The following CCN6 variants were observed in gnomAD, a reference collection of about 807,000 sequenced individuals.
CCN6 encodes cellular communication network factor 6, also known as CCN family member 6.
In CCN6, 31 loss-of-function variants were observed where a neutral mutation model predicts 37.4. The ratio of observed to expected loss-of-function variants is 0.83; its 90% confidence interval spans 0.62 to 1.12. The LOEUF (loss-of-function observed/expected upper bound fraction) is 1.12. CCN6 is among the 50% of genes most tolerant of loss of function. CCN6 has a pLI of 0.00. For synonymous variants in CCN6, 137 were observed against 142.1 expected (o/e 0.96, Z 0.26); for missense variants, 369 against 413.8 (o/e 0.89, Z 0.94).
chr6:112,065,641 C>CAA (rs1776674512), intron 3 of CCN6, among the ~76,000 whole-genome samples: 7 of 151,632 alleles, frequency 4.6e-5, no homozygotes, highest in Non-Finnish European at 1.0e-4. Flanking sequence ...CACACACACA[C>CAA]ACAAACACAC....
At chr6:112,064,700 C>G (rs1361576507) in intron 2 of CCN6, 55 bp from the exon 3 acceptor site, 3 of 1,612,502 alleles carry the variant, frequency 1.9e-6, no homozygotes, top group Non-Finnish European at 2.5e-6. Flanking sequence ...AATTGGAGGT[C>G]TAGACTATCA....
rs587722296 is a variant in CCN6 at position 112,061,035 on chromosome 6, T to C, written c.93T>C (p.Pro31=). 15 of 1,614,022 alleles carry C rather than the reference T, an allele frequency of 9.3e-6. No homozygotes were observed. In the African/African-American group the frequency reaches 1.9e-4, roughly 20 times the overall value. ...GCACTGGACCATTAGATACAACACC[T>C]GAAGGAAGGCCTGGAGAAGTGTCAG... ...VQGTGPLDTT[P]EGRPGEVSDA... Residue 31 remains proline, a synonymous_variant, in exon 2 of 5, where the codon CCT becomes CCC. Coordinates refer to ENST00000368666, the MANE Select transcript of CCN6 (RefSeq NM_198239.2).
Position 112,069,364 on chromosome 6 carries a change from C to G in CCN6, c.809C>G (p.Pro270Arg). Residue 270 changes from proline (P) to arginine (R), a missense_variant, in exon 5 of 5, where the codon CCT (proline) becomes CGT (arginine). Physicochemically the swap from Pro to Arg is moderately radical, Grantham distance 103. Transcript: ENST00000368666. ...IKIPKGKTCQ[P>R]TFQLSKAEKF... ...ATTCCCAAAGGAAAAACATGCCAAC[C>G]TACTTTCCAACTCTCCAAAGCTGAA... The G allele has an allele frequency of 3.7e-6, 6 of 1,613,446 alleles. No homozygotes were observed. Among genetic ancestry groups the G allele is most frequent in the Non-Finnish European group, 5.1e-6 (6 of 1,179,842 alleles).
Position 112,069,652 on chromosome 6 carries a change from C to T in CCN6, c.*32C>T. The T allele has an allele frequency of 6.2e-7, 1 of 1,612,076 alleles. No individual in the cohort carries two copies. On this transcript the variant is annotated 3_prime_UTR_variant, in exon 5 of 5. Coordinates refer to ENST00000368666, the MANE Select transcript of CCN6 (RefSeq NM_198239.2). ...GCAAATGGGGGAAAAGTTAGTCAATCCTGTCATATAATAAAAAAATTAGTG... is the reference window on the plus strand; with the variant it reads ...GCAAATGGGGGAAAAGTTAGTCAATTCTGTCATATAATAAAAAAATTAGTG...
At chr6:112,055,832 C>T (rs377278389) in intron 1 of CCN6, among the ~76,000 whole-genome samples, 28 of 152,150 alleles carry the variant, frequency 1.8e-4, no homozygotes, top group Non-Finnish European at 2.5e-4. Context: ...TCAAGTGATC[C>T]GCCCACCTCG....
intron 1 of CCN6, among the ~76,000 whole-genome samples, chr6:112,060,625 A>C (rs587720826): frequency 2.6e-5 from 4 of 152,256 alleles, no homozygotes; most frequent in African/African-American, 9.6e-5. Context: ...GTCTGAGTTC[A>C]GAAGAGGGGT....
rs1554312829 is a variant in CCN6, at chr6:112,061,290, T to C, written c.346+2T>C. 1 of 1,614,186 alleles carries C rather than the reference T, an allele frequency of 6.2e-7. No homozygotes were observed. The highest frequency in any genetic ancestry group is 8.5e-7 in the Non-Finnish European group (1 of 1,180,012). ...GGTACGAGACTGGAGTGTGTGCATG[T>C]AAGTGTCTTCTTCTGGACCTGCTGG... On this transcript the variant is annotated splice_donor_variant, in intron 2 of 4. Coordinates refer to ENST00000368666, the MANE Select transcript of CCN6 (RefSeq NM_198239.2). LOFTEE classifies it high-confidence loss of function.
chr6:112,054,149 G>A lies in CCN6; in HGVS notation c.-209G>A, dbSNP rs1554311307. The A allele has an allele frequency of 3.9e-6, 3 of 774,742 alleles. No homozygotes were observed. Among genetic ancestry groups the A allele is most frequent in the Non-Finnish European group, 7.0e-6 (3 of 426,590 alleles). The allele number at this position is 774,742 out of a possible 1,614,324, so 48.0% of individuals were successfully genotyped here. On this transcript the variant is annotated 5_prime_UTR_variant, in exon 1 of 5. Transcript: ENST00000368666. ...TCACTGCGAAGGCAGGTTATTAGAA[G>A]AGTCCCATGAAAGTAAACAGGGTAT...
At chr6:112,066,680 T>A (rs1776705539) in intron 3 of CCN6, among the ~76,000 whole-genome samples, 1 of 152,218 alleles carries the variant, frequency 6.6e-6, no homozygotes, top group African/African-American at 2.4e-5. Context: ...TTAACCATAA[T>A]GACAAAAACA....
rs141046009 is a variant in CCN6 at position 112,055,219 on chromosome 6, G to T, written c.48+814G>T. Among the ~76,000 whole-genome samples, 189 of 152,330 alleles carry T rather than the reference G, an allele frequency of 1.2e-3. 3 individuals carry two copies. In the East Asian group the frequency reaches 0.028, roughly 23 times the overall value. On this transcript the variant is annotated intron_variant, in intron 1 of 4. Coordinates refer to ENST00000368666, the MANE Select transcript of CCN6 (RefSeq NM_198239.2). Reference sequence around the variant, plus strand: ...GAATTGCAAATTGTTATACCATATAGAGAGAGATTTACGATTTCAAAAGAA... The same window carrying T: ...GAATTGCAAATTGTTATACCATATATAGAGAGATTTACGATTTCAAAAGAA...
intron 1 of CCN6, chr6:112,060,118 T>G (rs377058804): frequency 7.4e-7 from 1 of 1,350,974 alleles, no homozygotes; most frequent in African/African-American, 1.5e-5. Context: ...CAAAGTAATA[T>G]GGGGAGGGGG....
At chr6:112,066,920 G>A in intron 3 of CCN6, 12 of 1,326,884 alleles carry the variant, frequency 9.0e-6, no homozygotes, top group Non-Finnish European at 1.2e-5. Context: ...GGTTTAACAA[G>A]TGGGATTACT....
intron 2 of CCN6, among the ~76,000 whole-genome samples, chr6:112,061,820 T>C (rs781786161): frequency 3.9e-5 from 6 of 152,220 alleles, no homozygotes; most frequent in Non-Finnish European, 7.3e-5. Flanking sequence ...CTCAGCCTTA[T>C]GTGACTAAGT....
At chr6:112,056,543 A>G (rs1354184799) in intron 1 of CCN6, among the ~76,000 whole-genome samples, 1 of 151,778 alleles carries the variant, frequency 6.6e-6, no homozygotes, top group Non-Finnish European at 1.5e-5. Context: ...TTGAGATGGA[A>G]TCACCCTCTG....
chr6:112,069,427 A>G lies in CCN6; in HGVS notation c.872A>G (p.Tyr291Cys), dbSNP rs782067957. ...TCTGGATGCTCAAGTACTCAGAGTTACAAACCCACTTTTTGTGGAATATGC... is the reference window on the plus strand; with the variant it reads ...TCTGGATGCTCAAGTACTCAGAGTTGCAAACCCACTTTTTGTGGAATATGC... ...VFSGCSSTQS[Y>C]KPTFCGICLD... The change falls in exon 5 of 5, where the codon TAC becomes TGC. Residue 291 changes from tyrosine (Y) to cysteine (C), a missense_variant. Physicochemically the swap from Tyr to Cys is radical, Grantham distance 194. Transcript: ENST00000368666. 8.1e-6 allele frequency: 13 copies of G among 1,613,762 alleles called. No individual in the cohort carries two copies. The South Asian group carries it at 1.4e-4, about 18-fold the overall frequency.
Position 112,068,306 on chromosome 6 carries a change from G to A in CCN6, c.691G>A (p.Val231Met). 1 of 1,613,522 alleles carries A rather than the reference G, an allele frequency of 6.2e-7. No homozygotes were observed. Among genetic ancestry groups the A allele is most frequent in the Non-Finnish European group, 8.5e-7 (1 of 1,179,680 alleles). Reference sequence around the variant, plus strand: ...ATGTGGGATGGGAATATCTAACAGGGTGACCAATGAAAACAGCAACTGTGA... The same window carrying A: ...ATGTGGGATGGGAATATCTAACAGGATGACCAATGAAAACAGCAACTGTGA... ...RTCGMGISNRVTNENSNCEMR... is the reference protein window; with the variant it reads ...RTCGMGISNRMTNENSNCEMR... Residue 231 changes from valine to methionine, a missense_variant, in exon 4 of 5, where the codon GTG (valine) becomes ATG (methionine). Transcript: ENST00000368666.
At chr6:112,055,810 G>A (rs1776331404) in intron 1 of CCN6, among the ~76,000 whole-genome samples, 1 of 152,158 alleles carries the variant, frequency 6.6e-6, no homozygotes, top group South Asian at 2.1e-4. Flanking sequence ...AGCTGGTCTT[G>A]AACTCCTGAC....
chr6:112,054,089 G>C, upstream of CCN6: 4 of 624,980 alleles, frequency 6.4e-6, no homozygotes, highest in South Asian at 7.2e-5. Flanking sequence ...AGTCCCGGGA[G>C]GAAAGTGCTC....
At chr6:112,056,698 G>A (rs1418869389) in intron 1 of CCN6, among the ~76,000 whole-genome samples, 2 of 152,122 alleles carry the variant, frequency 1.3e-5, no homozygotes, top group East Asian at 3.9e-4. Context: ...TGTATTTTTA[G>A]TAGAGATGGG....
Sources: allele counts gnomAD v4.1 joint callset (sites outside exome capture counted in the v4.1 genomes callset), GRCh38; gene constraint gnomAD v4.1.1; transcripts MANE v1.5; gene names NCBI Gene and HGNC (gene_info 2026-07-23, HGNC 2026-07-21).